CALD1: variants seen among roughly 807,000 people sequenced by gnomAD.
CALD1 encodes caldesmon 1.
CALD1 carries 33 observed loss-of-function variants against 99.9 expected under a neutral mutation model. The observed-to-expected ratio is 0.33, with a 90% confidence interval of 0.25 to 0.44. The LOEUF (loss-of-function observed/expected upper bound fraction) is 0.44. CALD1 is among the 20% of genes least tolerant of loss of function. The probability of loss-of-function intolerance (pLI) is 1.00; values close to 1 mark genes in which losing one functional copy is unlikely to be tolerated. For synonymous variants in CALD1, 310 were observed against 325.0 expected, an observed-to-expected ratio of 0.95 and a Z score of 0.50; for missense variants, 861 against 962.1, an observed-to-expected ratio of 0.89 and a Z score of 1.39.
At chr7:134,789,538 C>G (rs115936083) in intron 1 of CALD1, among the ~76,000 whole-genome samples, 1,774 of 152,294 alleles carry the variant, frequency 0.012, 30 homozygotes, top group African/African-American at 0.04. Context: ...TTGTAGTTGT[C>G]ACAACTACTA....
chr7:134,850,363 T>G (rs1181358275), intron 2 of CALD1, among the ~76,000 whole-genome samples: 1 of 152,198 alleles, frequency 6.6e-6, no homozygotes, highest in Non-Finnish European at 1.5e-5. Flanking sequence ...AGTGTTGTGA[T>G]TAAAAGCACA....
chr7:134,963,387 G>C (rs1808423188), intron 13 of CALD1, among the ~76,000 whole-genome samples: 1 of 152,184 alleles, frequency 6.6e-6, no homozygotes. Flanking sequence ...AGGCAAATCT[G>C]AAATGCTTCA....
intron 3 of CALD1, among the ~76,000 whole-genome samples, chr7:134,889,067 G>A (rs1244584438): frequency 6.6e-6 from 1 of 152,234 alleles, no homozygotes; most frequent in Non-Finnish European, 1.5e-5. Flanking sequence ...TGGGGGGCTG[G>A]GGAGGAGGGA....
At chr7:134,739,755 G>A (rs569118363), upstream of CALD1, among the ~76,000 whole-genome samples, 5 of 152,150 alleles carry the variant, frequency 3.3e-5, no homozygotes, top group East Asian at 1.9e-4. Context: ...GTGACTTCAC[G>A]TGAGTGAGAA....
chr7:134,795,058 GTGTCAGC>G (rs1240517317), intron 1 of CALD1, among the ~76,000 whole-genome samples: 2 of 152,222 alleles, frequency 1.3e-5, no homozygotes, highest in Non-Finnish European at 2.9e-5. Context: ...GAATGGCACT[GTGTCAGC>G]TGTCAGGAGC....
intron 3 of CALD1, among the ~76,000 whole-genome samples, chr7:134,895,124 A>C (rs1345984644): frequency 6.6e-6 from 1 of 151,448 alleles, no homozygotes; most frequent in Non-Finnish European, 1.5e-5. Context: ...TAAATAAATA[A>C]ATAAATAAAT....
At chr7:134,804,809 A>G (rs1393264740) in intron 1 of CALD1, among the ~76,000 whole-genome samples, 3 of 152,230 alleles carry the variant, frequency 2.0e-5, no homozygotes, top group Non-Finnish European at 2.9e-5. Context: ...TAACCTCCCA[A>G]CAGGGTCTCC....
Position 134,903,942 on chromosome 7 carries a change from G to T in CALD1, c.72-24812G>T, listed in dbSNP as rs1463354821. ...AATCCATAAGCAATAAGTGGGATAG[G>T]CTAGGCATGGGGCCTCACACCTGTA... On this transcript the variant is annotated intron_variant, in intron 3 of 14. Transcript: ENST00000361675. 1.3e-5 allele frequency among the ~76,000 whole-genome samples: 2 copies of T among 152,042 alleles called. 1 individual carries two copies. The highest frequency in any genetic ancestry group is 4.8e-5 in the African/African-American group (2 of 41,340).
rs199999148 is a variant in CALD1 at position 134,941,208 on chromosome 7, C to A, written c.1503C>A (p.His501Gln). The A allele has an allele frequency of 3.7e-6, 6 of 1,609,540 alleles. No individual in the cohort carries two copies. In the African/African-American group the frequency reaches 5.4e-5, roughly 14 times the overall value. The change falls in exon 7 of 15, where the codon CAC becomes CAA. Residue 501 changes from histidine (H) to glutamine (Q), a missense_variant. This residue lies in a region of CALD1 where 293 missense variants were observed against 262.7 expected (regional missense o/e 1.12). Transcript: ENST00000361675. ...CGCAGAATGGAGAATTCATGACCCACAAACTTAAACATACTGAGAATACTT... is the reference window on the plus strand; with the variant it reads ...CGCAGAATGGAGAATTCATGACCCAAAAACTTAAACATACTGAGAATACTT... ...VKSQNGEFMT[H>Q]KLKHTENTFS...
chr7:134,830,261 C>T (rs887567646), intron 1 of CALD1, among the ~76,000 whole-genome samples: 1 of 152,192 alleles, frequency 6.6e-6, no homozygotes, highest in African/African-American at 2.4e-5. Context: ...TGTTATCTCA[C>T]TCGTAGAATT....
At chr7:134,886,685 A>G (rs1162162379) in intron 3 of CALD1, among the ~76,000 whole-genome samples, 1 of 152,220 alleles carries the variant, frequency 6.6e-6, no homozygotes, top group African/African-American at 2.4e-5. Flanking sequence ...CCTCCTAGAG[A>G]TAAGTAGGTT....
At position 134,937,539 on chromosome 7, in the gene CALD1, C is replaced by A. The variant is rs546334760; in HGVS notation, c.1386+1774C>A. 3.3e-5 allele frequency among the ~76,000 whole-genome samples: 5 copies of A among 151,468 alleles called. No homozygotes were observed. In the South Asian group the frequency reaches 8.3e-4, roughly 25 times the overall value. ...AAAGACTAGGTTTTCCCCTTTCCAG[C>A]TAGTTGTGTTGTTTCTTTATGTAGA... On this transcript the variant is annotated intron_variant, in intron 6 of 14. Coordinates refer to ENST00000361675, the MANE Select transcript of CALD1 (RefSeq NM_033138.4).
chr7:134,711,628 TTCTC>T, the CALD1 span, among the ~76,000 whole-genome samples: 137 of 63,838 alleles, frequency 2.1e-3, no homozygotes, highest in Admixed American at 2.8e-3. Flanking sequence ...CAACCTCAGC[TTCTC>T]TCTCTCTCTC....
intron 9 of CALD1, among the ~76,000 whole-genome samples, chr7:134,956,261 T>C (rs1807767151): frequency 1.3e-5 from 2 of 151,930 alleles, no homozygotes; most frequent in South Asian, 4.2e-4. Flanking sequence ...AACTCTGTGG[T>C]ATTTATTAAT....
upstream of CALD1, chr7:134,744,157 G>A (rs909734797): frequency 2.6e-5 from 4 of 152,206 alleles, no homozygotes; most frequent in African/African-American, 9.7e-5. Context: ...TCTAGTAGCA[G>A]CTTGTAGTAA....
intron 1 of CALD1, among the ~76,000 whole-genome samples, chr7:134,746,736 G>C (rs1186131447): frequency 6.6e-6 from 1 of 152,222 alleles, no homozygotes; most frequent in Non-Finnish European, 1.5e-5. Context: ...AGGCTATTCT[G>C]ATGAGGCCAT....
the CALD1 span, among the ~76,000 whole-genome samples, chr7:134,719,302 CA>C: frequency 6.6e-6 from 1 of 152,030 alleles, no homozygotes; most frequent in East Asian, 1.9e-4. Context: ...AGAGGAGAGA[CA>C]AAAAGGGATA....
upstream of CALD1, among the ~76,000 whole-genome samples, chr7:134,777,708 G>A (rs527668405): frequency 8.5e-5 from 13 of 152,236 alleles, no homozygotes; most frequent in African/African-American, 2.9e-4. Context: ...TCATGCACCC[G>A]GAACGTCTCT....
chr7:134,904,001 T>C (rs1803186559), intron 3 of CALD1, among the ~76,000 whole-genome samples: 1 of 151,976 alleles, frequency 6.6e-6, no homozygotes, highest in South Asian at 2.1e-4. Context: ...GGCAGGCGGA[T>C]CACCTGAGAT....
Sources: gnomAD v4.1 joint callset for allele counts (sites outside exome capture counted in the v4.1 genomes callset) on GRCh38, gnomAD v4.1.1 for gene constraint, gnomAD v4.1.1 regional missense constraint, MANE v1.5 for transcripts, NCBI Gene and HGNC (gene_info 2026-07-23, HGNC 2026-07-21) for gene names.